EEF2K: variants seen among roughly 807,000 people sequenced by gnomAD.
EEF2K encodes alternative protein EEF2K.
Under a neutral mutation model 93.8 loss-of-function variants are expected in EEF2K, and 70 were observed. The ratio of observed to expected loss-of-function variants is 0.75; its 90% CI spans 0.62 to 0.91. EEF2K has a LOEUF of 0.91. Among genes scored for constraint, EEF2K ranks in the 40% least tolerant of loss-of-function variants. The probability of loss-of-function intolerance (pLI) is 0.00; values close to 1 mark genes in which losing one functional copy is unlikely to be tolerated. For synonymous variants in EEF2K, 376 were observed against 380.8 expected (o/e 0.99, Z 0.15); for missense variants, 935 against 972.9 (o/e 0.96, Z 0.52).
At chr16:22,260,566 C>G (rs760067311) in intron 11 of EEF2K, 37 bp downstream of exon 11, 1 of 1,613,004 alleles carries the variant, frequency 6.2e-7, no homozygotes, top group Non-Finnish European at 8.5e-7. Context: ...GGCTTCAGAC[C>G]CCAGCAGGGG....
At chr16:22,258,802 G>T (rs1296135790) in intron 10 of EEF2K, 107 bp downstream of exon 10, 26 of 1,453,852 alleles carry the variant, frequency 1.8e-5, no homozygotes, top group Non-Finnish European at 1.9e-5. Context: ...TAATCGAAAA[G>T]GTTCATGGCC....
At chr16:22,261,633 T>C (rs1319202366) in intron 11 of EEF2K, among the ~76,000 whole-genome samples, 16 of 148,546 alleles carry the variant, frequency 1.1e-4, no homozygotes, top group Non-Finnish European at 1.5e-4. Flanking sequence ...GAGGTTGCAG[T>C]GAGCAGAGGT....
In EEF2K at chr16:22,243,914, C is replaced by A. The variant is rs184084577; in HGVS notation, c.247-716C>A. Among the ~76,000 whole-genome samples, 38 of 128,418 alleles carry A rather than the reference C, an allele frequency of 3.0e-4. No individual in the cohort carries two copies. In the East Asian group the frequency reaches 0.01, roughly 34 times the overall value. 84.2% of individuals were successfully genotyped at this position (128,418 alleles called of 152,430 possible). A position where few individuals can be genotyped will look rare whatever the true frequency, so the allele number is the denominator to read the frequency against. ...CTCCAGCCTCGGCGACAAAGTAAGA[C>A]CCTGTCTCAAAAAAAAAAAAAAAAA... On this transcript the variant is annotated intron_variant, in intron 2 of 17. Transcript: ENST00000263026.
chr16:22,266,562 A>C, intron 14 of EEF2K, 38 bp downstream of exon 14: 1 of 1,610,886 alleles, frequency 6.2e-7, no homozygotes, highest in Non-Finnish European at 8.5e-7. Context: ...TGTCTGCACT[A>C]ACCTGGAGCC....
intron 1 of EEF2K, among the ~76,000 whole-genome samples, chr16:22,217,793 C>G (rs963972805): frequency 2.6e-5 from 4 of 152,150 alleles, no homozygotes; most frequent in Non-Finnish European, 4.4e-5. Context: ...GAAAACCTAT[C>G]TGTAACTAGC....
At chr16:22,218,436 A>G (rs1032490781) in intron 1 of EEF2K, among the ~76,000 whole-genome samples, 8 of 152,198 alleles carry the variant, frequency 5.3e-5, no homozygotes, top group Non-Finnish European at 1.2e-4. Context: ...GTAGGAAGGC[A>G]GGTCCTGGGG....
chr16:22,235,695 T>C (rs912867364), intron 2 of EEF2K, among the ~76,000 whole-genome samples: 2 of 152,116 alleles, frequency 1.3e-5, no homozygotes, highest in Non-Finnish European at 2.9e-5. Flanking sequence ...ATGGGGTTTC[T>C]CCATGTTGGT....
rs146880135 is a variant in EEF2K, at chr16:22,209,508, G to A, written c.-77+2829G>A. ...CGTTCTCCGGGATTCACTATTTCTG[G>A]TCCAGTTCTTACACCTGAAGCAGAA... On this transcript the variant is annotated intron_variant, in intron 1 of 17. Coordinates refer to ENST00000263026, the MANE Select transcript of EEF2K (RefSeq NM_013302.5). 4.8e-3 allele frequency among the ~76,000 whole-genome samples: 732 copies of A among 152,290 alleles called. 7 individuals are homozygous for A. Among genetic ancestry groups the A allele is most frequent in the African/African-American group, 0.016 (652 of 41,562 alleles).
At chr16:22,239,694 C>A (rs918611809) in intron 2 of EEF2K, among the ~76,000 whole-genome samples, 1 of 152,118 alleles carries the variant, frequency 6.6e-6, no homozygotes, top group African/African-American at 2.4e-5. Context: ...GCCTGTCATC[C>A]CAGCTATTCG....
chr16:22,218,720 A>G (rs2046983198), intron 1 of EEF2K, among the ~76,000 whole-genome samples: 1 of 152,096 alleles, frequency 6.6e-6, no homozygotes, highest in Non-Finnish European at 1.5e-5. Context: ...GAGTGAGTAC[A>G]ATTATGCATC....
At position 22,238,667 on chromosome 16, in the gene EEF2K, GAA is replaced by G. The variant is rs10708756; in HGVS notation, c.247-5945_247-5944del. Among the ~76,000 whole-genome samples, 362 of 93,430 alleles carry G rather than the reference GAA, an allele frequency of 3.9e-3. 1 individual carries two copies. The highest frequency in any genetic ancestry group is 0.022 in the East Asian group (78 of 3,510). The allele number at this position is 93,430 out of a possible 152,430, so 61.3% of individuals were successfully genotyped here. A position where few individuals can be genotyped will look rare whatever the true frequency, so the allele number is the denominator to read the frequency against. On this transcript the variant is annotated intron_variant, in intron 2 of 17. Transcript: ENST00000263026. ...CTGGTCTCAAAAAAAAAGAAAAAAG[GAA>G]AAAAAAAAAAAAAAAAAGCACTGAT...
At chr16:22,267,181 G>A (rs2047532807) in intron 15 of EEF2K, among the ~76,000 whole-genome samples, 1 of 152,178 alleles carries the variant, frequency 6.6e-6, no homozygotes, top group African/African-American at 2.4e-5. Flanking sequence ...GGCTGTAACT[G>A]GGGCCTGGAG....
Position 22,257,765 on chromosome 16 carries a change from C to T in EEF2K, c.1024C>T (p.Leu342=), listed in dbSNP as rs760617240. The change falls in exon 9 of 18, where the codon CTG becomes TTG. Residue 342 remains leucine (L), a synonymous_variant. Transcript: ENST00000263026. ...ERDAVNQNTK[L]LQSAKTILRG... ...GGATGCAGTGAATCAGAACACCAAG[C>T]TGCTGGTGGGTGCCCAGTGTGACCC... 3.7e-6 allele frequency: 6 copies of T among 1,613,524 alleles called. No homozygotes were observed. The highest frequency in any genetic ancestry group is 5.1e-6 in the Non-Finnish European group (6 of 1,179,886).
intron 10 of EEF2K, 85 bp from the exon 11 acceptor site, chr16:22,260,377 G>C: frequency 7.1e-7 from 1 of 1,410,848 alleles, no homozygotes; most frequent in Non-Finnish European, 9.8e-7. Context: ...TTGGTGGCAG[G>C]TATGGACCGC....
rs553013823 is a variant in EEF2K at position 22,226,517 on chromosome 16, C to CTTTT, written c.246+554_246+557dup. ...CTTTTTCTTTCTTTTCCTTCTTCTT[C>CTTTT]TTTTTTTTTTTTTTTATAAACGTGG... On this transcript the variant is annotated intron_variant, in intron 2 of 17. Coordinates refer to ENST00000263026, the MANE Select transcript of EEF2K (RefSeq NM_013302.5). Among the ~76,000 whole-genome samples, 193 of 106,872 alleles carry CTTTT rather than the reference C, an allele frequency of 1.8e-3. 7 individuals are homozygous for CTTTT. The East Asian group carries it at 0.022, about 12-fold the overall frequency. 70.1% of individuals were successfully genotyped at this position (106,872 alleles called of 152,430 possible).
At chr16:22,237,634 G>GAA (rs1226150649) in intron 2 of EEF2K, among the ~76,000 whole-genome samples, 4 of 149,636 alleles carry the variant, frequency 2.7e-5, no homozygotes, top group African/African-American at 7.4e-5. Flanking sequence ...AAAAAGAAAA[G>GAA]AAGAAAACTC....
chr16:22,229,967 A>G (rs536549997), intron 2 of EEF2K, among the ~76,000 whole-genome samples: 1 of 152,310 alleles, frequency 6.6e-6, no homozygotes, highest in Admixed American at 6.5e-5. Context: ...CTTTAGGCCT[A>G]GAGTTCTAGC....
At chr16:22,245,316 A>G (rs1239268627) in intron 3 of EEF2K, among the ~76,000 whole-genome samples, 4 of 152,160 alleles carry the variant, frequency 2.6e-5, no homozygotes, top group African/African-American at 7.2e-5. Context: ...ACATTTTCCA[A>G]TATATTGATT....
At chr16:22,221,353 G>GGCAT (rs2047009670) in intron 1 of EEF2K, among the ~76,000 whole-genome samples, 1 of 152,042 alleles carries the variant, frequency 6.6e-6, no homozygotes. Context: ...CGGGCATGGT[G>GGCAT]GCATGGACTG....
Sources: allele counts gnomAD v4.1 joint callset (sites outside exome capture counted in the v4.1 genomes callset), GRCh38; gene constraint gnomAD v4.1.1; transcripts MANE v1.5; gene names NCBI Gene and HGNC (gene_info 2026-07-23, HGNC 2026-07-21).